Variants in SH3PXD2A observed in about 807,000 individuals in gnomAD.
SH3PXD2A encodes the protein SH3 and PX domain-containing protein 2A.
In SH3PXD2A, 32 loss-of-function variants were observed where a neutral mutation model predicts 115.2. The ratio of observed to expected loss-of-function variants is 0.28; its 90% confidence interval spans 0.21 to 0.37. The LOEUF is 0.37. Among genes scored for constraint, SH3PXD2A ranks in the 10% least tolerant of loss-of-function variants. The pLI, the probability that SH3PXD2A is intolerant of heterozygous loss-of-function variation, is 1.00. For synonymous variants in SH3PXD2A, 610 were observed against 629.1 expected (o/e 0.97, Z 0.45); for missense variants, 1,328 against 1,498.7 (o/e 0.89, Z 1.88).
intron 1 of SH3PXD2A, among the ~76,000 whole-genome samples, chr10:103,812,358 G>A (rs1221416527): frequency 6.6e-6 from 1 of 152,166 alleles, no homozygotes; most frequent in Non-Finnish European, 1.5e-5. Context: ...GGAAATCAGG[G>A]GGAAAAGCTC....
intron 2 of SH3PXD2A, among the ~76,000 whole-genome samples, chr10:103,774,304 G>A (rs192608667): frequency 8.8e-4 from 134 of 152,312 alleles, no homozygotes; most frequent in Non-Finnish European, 1.5e-3. Flanking sequence ...CTATATTCAA[G>A]TTAAGTGATC....
chr10:103,616,654 C>G (rs951597431), intron 11 of SH3PXD2A, among the ~76,000 whole-genome samples: 2 of 152,248 alleles, frequency 1.3e-5, no homozygotes, highest in African/African-American at 4.8e-5. Flanking sequence ...CTGCTCCAGC[C>G]CTTGCAGCCA....
At chr10:103,611,499 C>T (rs898329763) in intron 13 of SH3PXD2A, 82 bp downstream of exon 13, 34 of 1,289,154 alleles carry the variant, frequency 2.6e-5, no homozygotes, top group Admixed American at 1.5e-4. Flanking sequence ...GAGGCTCTGC[C>T]GCAAGATAGC....
chr10:103,678,166 G>T (rs535904837), intron 6 of SH3PXD2A: 9 of 1,288,972 alleles, frequency 7.0e-6, no homozygotes, highest in Admixed American at 6.9e-5. Context: ...GTAATGTCTG[G>T]GGGGAGCAGG....
chr10:103,766,075 G>T (rs1303826841), intron 3 of SH3PXD2A, among the ~76,000 whole-genome samples: 1 of 152,238 alleles, frequency 6.6e-6, no homozygotes, highest in Non-Finnish European at 1.5e-5. Flanking sequence ...TTTGAGGATG[G>T]AGGAATGCAG....
chr10:103,607,949 G>A (rs1006019873), intron 13 of SH3PXD2A, among the ~76,000 whole-genome samples: 7 of 151,750 alleles, frequency 4.6e-5, no homozygotes, highest in Admixed American at 1.3e-4. Flanking sequence ...GATGCTTGAA[G>A]GCAGCATGCT....
chr10:103,642,489 A>T (rs1415215435), intron 8 of SH3PXD2A, among the ~76,000 whole-genome samples: 1 of 152,222 alleles, frequency 6.6e-6, no homozygotes, highest in Non-Finnish European at 1.5e-5. Flanking sequence ...CCTCCCCTGT[A>T]TCATGGTGTT....
chr10:103,711,934 G>A (rs899971313), intron 5 of SH3PXD2A, among the ~76,000 whole-genome samples: 2 of 152,064 alleles, frequency 1.3e-5, no homozygotes, highest in Non-Finnish European at 2.9e-5. Context: ...GGTGGTGTGT[G>A]CCTGCAGTCC....
chr10:103,829,491 G>A lies in SH3PXD2A; in HGVS notation c.72+25704C>T, dbSNP rs981752627. Among the ~76,000 whole-genome samples the A allele has an allele frequency of 2.0e-5, 3 of 152,158 alleles. No homozygotes were observed. In the South Asian group the frequency reaches 6.2e-4, roughly 32 times the overall value. On this transcript the variant is annotated intron_variant, in intron 1 of 14. Coordinates refer to ENST00000369774, the MANE Select transcript of SH3PXD2A (RefSeq NM_001394015.1). ...TTGTTTGTTTTTTTAAATAGGTCTGGTTCTAGCCTTTGAAGATGATGGATT... is the reference window on the plus strand; with the variant it reads ...TTGTTTGTTTTTTTAAATAGGTCTGATTCTAGCCTTTGAAGATGATGGATT...
intron 1 of SH3PXD2A, among the ~76,000 whole-genome samples, chr10:103,804,552 C>T (rs898906749): frequency 6.6e-6 from 1 of 151,836 alleles, no homozygotes; most frequent in African/African-American, 2.4e-5. Context: ...TCGATCTTCT[C>T]ACCTCGTGAT....
At position 103,602,576 on chromosome 10, in the gene SH3PXD2A, C is replaced by T; in HGVS notation, c.2642G>A (p.Arg881Lys). Residue 881 changes from arginine to lysine, a missense_variant, in exon 15 of 15, where the codon AGG becomes AAG. By Grantham distance (26) the Arg-to-Lys change is conservative. Coordinates refer to ENST00000369774, the MANE Select transcript of SH3PXD2A (RefSeq NM_001394015.1). ...EKQESGWWYV[R>K]FGELEGWAPS... Reference sequence around the variant, plus strand: ...GGCCCAGCCCTCCAGCTCCCCAAACCTCACATACCACCACCCGCTCTCCTG... The same window carrying T: ...GGCCCAGCCCTCCAGCTCCCCAAACTTCACATACCACCACCCGCTCTCCTG... 1 of 1,614,180 alleles carries T rather than the reference C, an allele frequency of 6.2e-7. No homozygotes were observed. The highest frequency in any genetic ancestry group is 8.5e-7 in the Non-Finnish European group (1 of 1,180,042).
intron 1 of SH3PXD2A, among the ~76,000 whole-genome samples, chr10:103,842,808 T>G (rs1412061937): frequency 1.3e-5 from 2 of 152,250 alleles, no homozygotes; most frequent in African/African-American, 4.8e-5. Context: ...TGCCCTGCTG[T>G]GTTCCCAGCG....
At chr10:103,760,083 T>G (rs933714415) in intron 3 of SH3PXD2A, among the ~76,000 whole-genome samples, 28 of 152,348 alleles carry the variant, frequency 1.8e-4, no homozygotes, top group Non-Finnish European at 8.8e-5. Context: ...ACGGCAGGTT[T>G]GCATATAGTC....
Position 103,602,184 on chromosome 10 carries a change from CGCCTCGGAG to C in SH3PXD2A, c.3025_3033del (p.Leu1009_Gly1011del). On this transcript the variant is annotated inframe_deletion, in exon 15 of 15. Coordinates refer to ENST00000369774, the MANE Select transcript of SH3PXD2A (RefSeq NM_001394015.1). ...GTGCTAAAGGAGGAGTTCCGTCGGA[CGCCTCGGAG>C]GCCATCAGTGGCCGTGAGTGACTCA... 1.3e-6 allele frequency: 2 copies of C among 1,575,330 alleles called. No individual in the cohort carries two copies. The highest frequency in any genetic ancestry group is 1.8e-5 in the Admixed American group (1 of 56,834).
intron 2 of SH3PXD2A, among the ~76,000 whole-genome samples, chr10:103,790,823 T>G (rs547648029): frequency 1.3e-5 from 2 of 152,212 alleles, no homozygotes; most frequent in East Asian, 3.8e-4. Context: ...GAGTGGGAGA[T>G]AGCAACATGA....
intron 6 of SH3PXD2A, among the ~76,000 whole-genome samples, chr10:103,687,726 G>A (rs545315372): frequency 2.0e-5 from 3 of 152,146 alleles, no homozygotes; most frequent in African/African-American, 7.2e-5. Flanking sequence ...CATCTCACTC[G>A]ATGAAAGTCA....
At chr10:103,795,851 T>C (rs2134257036) in intron 2 of SH3PXD2A, among the ~76,000 whole-genome samples, 1 of 130,346 alleles carries the variant, frequency 7.7e-6, no homozygotes, top group Admixed American at 9.0e-5. Flanking sequence ...ATTGGAAGGA[T>C]GGGAAGAAGG....
At chr10:103,751,309 G>C (rs532393095) in intron 3 of SH3PXD2A, among the ~76,000 whole-genome samples, 1 of 152,172 alleles carries the variant, frequency 6.6e-6, no homozygotes, top group Non-Finnish European at 1.5e-5. Flanking sequence ...CTGTAGGCAC[G>C]GGGGATATAT....
intron 8 of SH3PXD2A, among the ~76,000 whole-genome samples, chr10:103,659,012 G>T (rs748038206): frequency 6.6e-6 from 1 of 152,198 alleles, no homozygotes; most frequent in Non-Finnish European, 1.5e-5. Flanking sequence ...CTCTGGCCAC[G>T]GGTGGCCGTG....
Sources: allele counts gnomAD v4.1 joint callset (sites outside exome capture counted in the v4.1 genomes callset), GRCh38; gene constraint gnomAD v4.1.1; transcripts MANE v1.5; gene names NCBI Gene and HGNC (gene_info 2026-07-23, HGNC 2026-07-21).